Variants in EPB41L4A observed in about 807,000 individuals in gnomAD.
EPB41L4A encodes erythrocyte membrane protein band 4.1 like 4A.
A neutral mutation model predicts 108.6 loss-of-function variants in EPB41L4A; 100 were observed. The ratio of observed to expected loss-of-function variants is 0.92; its 90% CI spans 0.78 to 1.09. EPB41L4A has a LOEUF of 1.09. EPB41L4A is among the 50% of genes least tolerant of loss of function. The pLI is 0.00. For missense variants in EPB41L4A, 1,030 were observed against 842.7 expected, an observed-to-expected ratio of 1.22 and a Z score of -2.75; for synonymous variants, 319 against 289.0, an observed-to-expected ratio of 1.10 and a Z score of -1.05.
intron 1 of EPB41L4A, among the ~76,000 whole-genome samples, chr5:112,386,203 T>C (rs996673557): frequency 1.3e-5 from 2 of 152,202 alleles, no homozygotes; most frequent in Non-Finnish European, 2.9e-5. Context: ...TGCTGAATCC[T>C]GGAAATGTAC....
At chr5:112,213,315 T>A (rs13176696) in intron 12 of EPB41L4A, among the ~76,000 whole-genome samples, 71,867 of 151,758 alleles carry the variant, frequency 0.47, 17,514 homozygotes, top group East Asian at 0.69. Flanking sequence ...AAAATGGTAA[T>A]CTACTGTTCA....
intron 1 of EPB41L4A, among the ~76,000 whole-genome samples, chr5:112,313,858 CTTT>C (rs1188991050): frequency 3.4e-5 from 3 of 89,476 alleles, no homozygotes. Flanking sequence ...AGGTAACTTT[CTTT>C]TTTTTTTTTT....
At position 112,205,430 on chromosome 5, in the gene EPB41L4A, C is replaced by G. The variant is rs777394320; in HGVS notation, c.1253G>C (p.Gly418Ala). ...SKSHAPWEEN[G>A]PQSGLYNSPS... ...CAATGATTCCCTTTACCTCTGGGGG[C>G]CATTTTCTTCCCACGGTGCATGAGA... The change falls in exon 14 of 23, where the codon GGC (glycine) becomes GCC (alanine). Residue 418 changes from glycine to alanine, a missense_variant. By Grantham distance (60) the Gly-to-Ala change is moderately conservative (BLOSUM62 0). Transcript: ENST00000261486. 2 of 1,613,472 alleles carry G rather than the reference C, an allele frequency of 1.2e-6. No homozygotes were observed. Among genetic ancestry groups the G allele is most frequent in the South Asian group, 2.2e-5 (2 of 91,068 alleles).
At chr5:112,357,559 T>C (rs917110428) in intron 1 of EPB41L4A, among the ~76,000 whole-genome samples, 1 of 152,210 alleles carries the variant, frequency 6.6e-6, no homozygotes, top group African/African-American at 2.4e-5. Context: ...GTTTGTATAA[T>C]GTCTGGTACC....
Position 112,147,855 on chromosome 5 carries a change from G to A in EPB41L4A, n.995-1857C>T, listed in dbSNP as rs571303375. Among the ~76,000 whole-genome samples the A allele has an allele frequency of 2.0e-5, 3 of 151,586 alleles. No homozygotes were observed. In the South Asian group the frequency reaches 6.2e-4, roughly 32 times the overall value. ...AGCATTTGAGACCAGCCTGGCCAAC[G>A]TGGTGAAACCTTGTCTCTACTAAAA... On this transcript the variant is annotated intron_variant and non_coding_transcript_variant, in intron 12 of 13. Coordinates refer to the EPB41L4A transcript ENST00000507810.
intron 1 of EPB41L4A, among the ~76,000 whole-genome samples, chr5:112,380,922 T>A (rs1760137580): frequency 6.6e-6 from 1 of 152,018 alleles, no homozygotes; most frequent in Non-Finnish European, 1.5e-5. Flanking sequence ...CATTCTTACA[T>A]TCCTTCTGGT....
At chr5:112,258,232 G>T (rs1415634805) in intron 9 of EPB41L4A, among the ~76,000 whole-genome samples, 2 of 152,230 alleles carry the variant, frequency 1.3e-5, no homozygotes, top group East Asian at 3.9e-4. Flanking sequence ...GTGTCTCAGT[G>T]CATCAGCTCA....
chr5:112,280,593 C>T (rs1752906054), intron 2 of EPB41L4A, among the ~76,000 whole-genome samples: 1 of 152,030 alleles, frequency 6.6e-6, no homozygotes, highest in Admixed American at 6.6e-5. Flanking sequence ...AGTTTAAGAC[C>T]ACCCTGGCCA....
At chr5:112,200,667 C>T (rs902465350) in intron 15 of EPB41L4A, among the ~76,000 whole-genome samples, 5 of 152,136 alleles carry the variant, frequency 3.3e-5, no homozygotes, top group Non-Finnish European at 7.3e-5. Context: ...AGGAAATATG[C>T]TGACTTTCTT....
chr5:112,276,895 A>C (rs1752660223), intron 3 of EPB41L4A, among the ~76,000 whole-genome samples: 1 of 152,192 alleles, frequency 6.6e-6, no homozygotes, highest in Non-Finnish European at 1.5e-5. Flanking sequence ...TTCCTGTGTA[A>C]AGACACTCCT....
At chr5:112,194,342 ACAC>A (rs1761854719) in intron 17 of EPB41L4A, among the ~76,000 whole-genome samples, 1 of 152,152 alleles carries the variant, frequency 6.6e-6, no homozygotes, top group African/African-American at 2.4e-5. Context: ...ACACACACAC[ACAC>A]AAGAAGGGAC....
rs144815223 is a variant in EPB41L4A at position 112,188,621 on chromosome 5, G to T, written c.1503-4486C>A. Among the ~76,000 whole-genome samples, 359 of 152,196 alleles carry T rather than the reference G, an allele frequency of 2.4e-3. 6 individuals are homozygous for T. The highest frequency in any genetic ancestry group is 0.016 in the Admixed American group (252 of 15,290). On this transcript the variant is annotated intron_variant, in intron 17 of 22. Transcript: ENST00000261486. ...AATCTTGATATATCCTATTAAAGTAGAAATCAGAAACCCTTGCATCTGCAG... is the reference window on the plus strand; with the variant it reads ...AATCTTGATATATCCTATTAAAGTATAAATCAGAAACCCTTGCATCTGCAG...
chr5:112,354,061 A>G (rs1758219180), intron 1 of EPB41L4A, among the ~76,000 whole-genome samples: 1 of 152,220 alleles, frequency 6.6e-6, no homozygotes, highest in Admixed American at 6.5e-5. Context: ...TTCAAAACCT[A>G]GACTTGATTT....
rs200146895 is a variant in EPB41L4A, at chr5:112,165,031, T to C, written c.2020A>G (p.Ile674Val). 9.9e-5 allele frequency: 159 copies of C among 1,614,052 alleles called. No individual in the cohort carries two copies. The African/African-American group carries it at 1.9e-3, about 19-fold the overall frequency. ...AGGCGGGAAGCTTGTATAGTTTTTA[T>C]TGTTTTTGCTGTGTGTTTTCCAGCC... The part of the protein sequence containing the change: ...NLAGKHTAKT[I>V]KTIQASRLKT... Residue 674 changes from isoleucine to valine, a missense_variant, in exon 23 of 23, where the codon ATA becomes GTA. Ile to Val is a conservative substitution (Grantham distance 29). Coordinates refer to ENST00000261486, the MANE Select transcript of EPB41L4A (RefSeq NM_022140.5).
intron 2 of EPB41L4A, among the ~76,000 whole-genome samples, chr5:112,301,761 T>C (rs1754378102): frequency 6.6e-6 from 1 of 152,154 alleles, no homozygotes; most frequent in Non-Finnish European, 1.5e-5. Flanking sequence ...TTAAAATGCA[T>C]AGTATTTTGC....
intron 12 of EPB41L4A, among the ~76,000 whole-genome samples, chr5:112,222,154 T>C (rs1169211787): frequency 6.6e-6 from 1 of 152,230 alleles, no homozygotes; most frequent in Non-Finnish European, 1.5e-5. Flanking sequence ...ACTCTGACTA[T>C]AAATGAGCAG....
In EPB41L4A at chr5:112,184,142, G is replaced by A. The variant is rs1405194194; in HGVS notation, c.1503-7C>T. 1 of 1,613,634 alleles carries A rather than the reference G, an allele frequency of 6.2e-7. No individual in the cohort carries two copies. Among genetic ancestry groups the A allele is most frequent in the Non-Finnish European group, 8.5e-7 (1 of 1,179,810 alleles). ...ATCATTCTCCTGCCGTATTCTGAAA[G>A]GAAAGCCATGCATCTGAAGTTAACA... On this transcript the variant is annotated splice_polypyrimidine_tract_variant and splice_region_variant and intron_variant, in intron 17 of 22. Coordinates refer to ENST00000261486, the MANE Select transcript of EPB41L4A (RefSeq NM_022140.5).
chr5:112,243,043 A>G (rs1749914445), intron 9 of EPB41L4A, among the ~76,000 whole-genome samples: 2 of 151,930 alleles, frequency 1.3e-5, no homozygotes, highest in Non-Finnish European at 2.9e-5. Flanking sequence ...GCGAAACCAC[A>G]TCTCTACTAA....
At chr5:112,404,436 C>T (rs1761962628) in intron 1 of EPB41L4A, among the ~76,000 whole-genome samples, 1 of 152,152 alleles carries the variant, frequency 6.6e-6, no homozygotes, top group Non-Finnish European at 1.5e-5. Flanking sequence ...GGCACCTTAA[C>T]ATTTTGTAAG....
Sources: gnomAD v4.1 joint callset for allele counts (sites outside exome capture counted in the v4.1 genomes callset) on GRCh38, gnomAD v4.1.1 for gene constraint, MANE v1.5 for transcripts, NCBI Gene and HGNC (gene_info 2026-07-23, HGNC 2026-07-21) for gene names.